Variants in UNC13C observed in about 807,000 individuals in gnomAD.
UNC13C encodes unc-13 homolog C.
In UNC13C, 174 loss-of-function variants were observed where a neutral mutation model predicts 245.4. The observed-to-expected ratio is 0.71, with a 90% CI of 0.63 to 0.80. UNC13C has a LOEUF of 0.80. Ranked by LOEUF, UNC13C falls within the 30% of genes least tolerant of loss-of-function variation. UNC13C has a pLI of 0.00. For synonymous variants in UNC13C, 992 were observed against 895.1 expected (o/e 1.11, Z -1.93); for missense variants, 2,829 against 2,602.9 (o/e 1.09, Z -1.89).
the UNC13C span, among the ~76,000 whole-genome samples, chr15:53,858,208 T>C: frequency 2.6e-5 from 4 of 152,212 alleles, no homozygotes; most frequent in Non-Finnish European, 5.9e-5. Flanking sequence ...ATTGGAACTC[T>C]ATAACATTTA....
intron 24 of UNC13C, among the ~76,000 whole-genome samples, chr15:54,525,222 T>G (rs1895392755): frequency 6.6e-6 from 1 of 152,218 alleles, no homozygotes; most frequent in African/African-American, 2.4e-5. Context: ...ACAGGTTTTC[T>G]AAATTACGGA....
intron 1 of UNC13C, among the ~76,000 whole-genome samples, chr15:53,998,550 T>A (rs1447321127): frequency 6.6e-6 from 1 of 152,158 alleles, no homozygotes; most frequent in Non-Finnish European, 1.5e-5. Flanking sequence ...TAAATACTCA[T>A]GTCAACTGTG....
intron 30 of UNC13C, among the ~76,000 whole-genome samples, chr15:54,583,973 TC>T (rs1376178714): frequency 6.6e-6 from 1 of 152,126 alleles, no homozygotes; most frequent in African/African-American, 2.4e-5. Context: ...GCTCTCTGGC[TC>T]CCCGTGGCCT....
intron 19 of UNC13C, among the ~76,000 whole-genome samples, chr15:54,445,717 A>G (rs1159353143): frequency 6.6e-6 from 1 of 152,136 alleles, no homozygotes; most frequent in Non-Finnish European, 1.5e-5. Flanking sequence ...AGTAGATTGC[A>G]AAAATTTTCT....
chr15:54,470,877 T>C (rs918048339), intron 19 of UNC13C, among the ~76,000 whole-genome samples: 7 of 151,470 alleles, frequency 4.6e-5, no homozygotes, highest in Admixed American at 4.6e-4. Flanking sequence ...TGTAGGCATT[T>C]ATTGCTATAT....
intron 22 of UNC13C, among the ~76,000 whole-genome samples, chr15:54,502,843 G>A (rs1336568659): frequency 5.3e-5 from 8 of 152,090 alleles, no homozygotes; most frequent in Admixed American, 4.6e-4. Context: ...TAAGTTGGGC[G>A]ACATGAGTGC....
At chr15:54,092,292 T>C (rs1260013900) in intron 2 of UNC13C, among the ~76,000 whole-genome samples, 4 of 152,196 alleles carry the variant, frequency 2.6e-5, no homozygotes. Flanking sequence ...TTCCATAATC[T>C]TTGAATTTTG....
chr15:54,165,750 A>G (rs1366926068), intron 4 of UNC13C, among the ~76,000 whole-genome samples: 1 of 152,020 alleles, frequency 6.6e-6, no homozygotes, highest in Non-Finnish European at 1.5e-5. Context: ...GATTTAGTAA[A>G]TTGTCCTCAA....
At position 54,147,789 on chromosome 15, in the gene UNC13C, C is replaced by CGTGT. The variant is rs56353727; in HGVS notation, c.3071+4124_3071+4127dup. On this transcript the variant is annotated intron_variant, in intron 4 of 32. Coordinates refer to ENST00000260323, the MANE Select transcript of UNC13C (RefSeq NM_001080534.3). Reference sequence around the variant, plus strand: ...TATAAGAAGCATTGCAAGGTGTGTGCGTGTGTGTGTGTGTGTGTGTGTATG... The same window carrying CGTGT: ...TATAAGAAGCATTGCAAGGTGTGTGCGTGTGTGTGTGTGTGTGTGTGTGTGTATG... 2.5e-3 allele frequency among the ~76,000 whole-genome samples: 374 copies of CGTGT among 147,584 alleles called. 3 individuals carry two copies. Among genetic ancestry groups the CGTGT allele is most frequent in the African/African-American group, 8.9e-3 (358 of 40,240 alleles).
chr15:54,082,687 C>T (rs1335622653), intron 2 of UNC13C, among the ~76,000 whole-genome samples: 1 of 152,150 alleles, frequency 6.6e-6, no homozygotes, highest in Non-Finnish European at 1.5e-5. Flanking sequence ...TTCTACTCAT[C>T]TTAAGGAACC....
At chr15:54,485,655 A>G (rs574167024) in intron 19 of UNC13C, among the ~76,000 whole-genome samples, 49 of 152,328 alleles carry the variant, frequency 3.2e-4, no homozygotes, top group African/African-American at 1.1e-3. Flanking sequence ...TGTCTCAGTC[A>G]TGGGTTACAA....
intron 24 of UNC13C, among the ~76,000 whole-genome samples, chr15:54,521,293 C>G (rs1207640444): frequency 6.6e-6 from 1 of 152,066 alleles, no homozygotes; most frequent in Non-Finnish European, 1.5e-5. Flanking sequence ...CAGAAAATAA[C>G]CGATAACACT....
chr15:53,945,374 G>A, the UNC13C span, among the ~76,000 whole-genome samples: 1 of 151,866 alleles, frequency 6.6e-6, no homozygotes, highest in African/African-American at 2.4e-5. Context: ...TTTATAGTTT[G>A]GATTTTATAT....
intron 4 of UNC13C, among the ~76,000 whole-genome samples, chr15:54,229,811 C>T (rs1346018347): frequency 2.6e-5 from 4 of 152,134 alleles, no homozygotes; most frequent in African/African-American, 9.7e-5. Context: ...CTTGTAACTA[C>T]CACTCTATTC....
chr15:53,940,158 G>C, the UNC13C span, among the ~76,000 whole-genome samples: 1 of 152,126 alleles, frequency 6.6e-6, no homozygotes, highest in African/African-American at 2.4e-5. Context: ...TTAGATAAGG[G>C]CTTAGAAATG....
intron 19 of UNC13C, among the ~76,000 whole-genome samples, chr15:54,443,624 T>C (rs1319004495): frequency 6.6e-6 from 1 of 152,110 alleles, no homozygotes; most frequent in Non-Finnish European, 1.5e-5. Flanking sequence ...TTTGTTTCAA[T>C]AAACTTTCTG....
intron 19 of UNC13C, among the ~76,000 whole-genome samples, chr15:54,437,017 T>G (rs914145394): frequency 2.0e-5 from 3 of 151,924 alleles, no homozygotes; most frequent in Non-Finnish European, 4.4e-5. Flanking sequence ...CCTGCAAAAT[T>G]TGAAATTTAC....
chr15:54,598,755 G>C (rs2049719083), intron 30 of UNC13C, among the ~76,000 whole-genome samples: 1 of 151,970 alleles, frequency 6.6e-6, no homozygotes. Flanking sequence ...GAAAATACTT[G>C]AAGCAAAAAG....
the UNC13C span, among the ~76,000 whole-genome samples, chr15:53,868,758 A>G: frequency 6.6e-6 from 1 of 152,222 alleles, no homozygotes; most frequent in Non-Finnish European, 1.5e-5. Flanking sequence ...CAGGAGATTC[A>G]TATTACTCAG....
Sources: gnomAD v4.1 joint callset for allele counts (sites outside exome capture counted in the v4.1 genomes callset) on GRCh38, gnomAD v4.1.1 for gene constraint, MANE v1.5 for transcripts, NCBI Gene and HGNC (gene_info 2026-07-23, HGNC 2026-07-21) for gene names.